The following TNRC6C variants were observed in gnomAD, a reference collection of about 807,000 sequenced individuals.
The protein encoded by TNRC6C is trinucleotide repeat-containing gene 6C protein.
A neutral mutation model predicts 153.7 loss-of-function variants in TNRC6C; 20 were observed. The ratio of observed to expected loss-of-function variants is 0.13; its 90% CI spans 0.09 to 0.19. TNRC6C has a LOEUF of 0.19. TNRC6C is among the 10% of genes least tolerant of loss of function. The probability of loss-of-function intolerance (pLI) is 1.00; values close to 1 mark genes in which losing one functional copy is unlikely to be tolerated. For missense variants in TNRC6C, 1,987 were observed against 2,172.0 expected, an observed-to-expected ratio of 0.91 and a Z score of 1.69; for synonymous variants, 811 against 841.4, an observed-to-expected ratio of 0.96 and a Z score of 0.63.
chr17:78,108,046 C>T (rs1287032867), exon 20 of TNRC6C: 2 of 152,220 alleles, frequency 1.3e-5, no homozygotes, highest in African/African-American at 4.8e-5. Flanking sequence ...TGGCCGTGGC[C>T]TTCAGGGTGA....
At chr17:78,083,751 C>T (rs748554953) in intron 11 of TNRC6C, among the ~76,000 whole-genome samples, 2 of 152,066 alleles carry the variant, frequency 1.3e-5, no homozygotes, top group South Asian at 2.1e-4. Flanking sequence ...CATGAAACCC[C>T]GGTCAAGAAT....
At chr17:78,053,458 C>T (rs1487334521) in intron 3 of TNRC6C, among the ~76,000 whole-genome samples, 1 of 151,882 alleles carries the variant, frequency 6.6e-6, no homozygotes, top group Non-Finnish European at 1.5e-5. Context: ...GGTGAAACCC[C>T]ATCTCTACTA....
chr17:78,062,445 A>T (rs2072787532), intron 3 of TNRC6C, among the ~76,000 whole-genome samples: 1 of 152,234 alleles, frequency 6.6e-6, no homozygotes, highest in Non-Finnish European at 1.5e-5. Flanking sequence ...GAGGCCAAAC[A>T]ATGTAAAATT....
At chr17:77,998,090 A>G (rs1284051293) in intron 1 of TNRC6C, among the ~76,000 whole-genome samples, 1 of 152,132 alleles carries the variant, frequency 6.6e-6, no homozygotes, top group East Asian at 1.9e-4. Flanking sequence ...CAACCATATA[A>G]CCATCATCAC....
chr17:78,049,678 C>T lies in TNRC6C; in HGVS notation c.616C>T (p.Pro206Ser), dbSNP rs1429114854. The change falls in exon 3 of 20, where the codon CCA becomes TCA. Residue 206 changes from proline to serine, a missense_variant. By Grantham distance (74) the Pro-to-Ser change is moderately conservative. Coordinates refer to ENST00000301624, the Ensembl canonical transcript of TNRC6C. This position sits in a 1 kb window ranked among gnomAD's most constrained non-coding sequence, Gnocchi z 4.1. ...CAATGCAATGCAGACAAATGGACTG[C>T]CAAACTGGGGCATGGCTGTTGGTAT... 6.2e-7 allele frequency: 1 copy of T among 1,610,410 alleles called. No individual in the cohort carries two copies. The highest frequency in any genetic ancestry group is 1.3e-5 in the African/African-American group (1 of 74,902).
chr17:78,026,088 G>A (rs1352999827), intron 1 of TNRC6C, among the ~76,000 whole-genome samples: 3 of 152,154 alleles, frequency 2.0e-5, no homozygotes, highest in Non-Finnish European at 4.4e-5. Flanking sequence ...TCTAGCCTTA[G>A]TATTTTTTTA....
intron 1 of TNRC6C, among the ~76,000 whole-genome samples, chr17:77,978,334 T>C (rs1341239086): frequency 1.3e-5 from 2 of 152,142 alleles, no homozygotes; most frequent in African/African-American, 4.8e-5. Context: ...AGGAAGTAAA[T>C]TCATAAGATT....
chr17:78,017,014 C>T (rs2071741018), intron 1 of TNRC6C, among the ~76,000 whole-genome samples: 1 of 152,156 alleles, frequency 6.6e-6, no homozygotes, highest in African/African-American at 2.4e-5. Context: ...GTAGCTACTG[C>T]ACTCCCTCTC....
upstream of TNRC6C, chr17:78,004,116 T>G: frequency 1.6e-6 from 2 of 1,230,966 alleles, no homozygotes; most frequent in Non-Finnish European, 1.0e-6. Context: ...GCTTTTTCAT[T>G]GTTTGACTTA....
intron 2 of TNRC6C, among the ~76,000 whole-genome samples, chr17:78,044,182 C>A (rs750947406): frequency 2.0e-5 from 3 of 152,076 alleles, no homozygotes; most frequent in African/African-American, 7.2e-5. Context: ...GCTATCAGTT[C>A]CTCTTGTACT....
At chr17:77,969,827 A>G (rs2070926773) in intron 1 of TNRC6C, among the ~76,000 whole-genome samples, 2 of 152,014 alleles carry the variant, frequency 1.3e-5, no homozygotes, top group African/African-American at 4.8e-5. Flanking sequence ...GAAAATTAAC[A>G]TTACTGAAAA....
chr17:78,093,863 A>C, intron 16 of TNRC6C, 100 bp downstream of exon 18: 1 of 1,469,410 alleles, frequency 6.8e-7, no homozygotes. Flanking sequence ...GGGATGATAC[A>C]AGGCACAGTT....
At chr17:78,073,744 TTA>T (rs1283387676) in intron 7 of TNRC6C, among the ~76,000 whole-genome samples, 2 of 152,156 alleles carry the variant, frequency 1.3e-5, no homozygotes, top group African/African-American at 4.8e-5. Context: ...TAACCTTGTT[TTA>T]TATGTTTTTC....
At chr17:78,071,641 G>T (rs1169730074) in intron 6 of TNRC6C, among the ~76,000 whole-genome samples, 2 of 152,210 alleles carry the variant, frequency 1.3e-5, no homozygotes, top group Admixed American at 6.5e-5. Context: ...GCCCGCCTCG[G>T]CCTCCCAAAG....
exon 3 of TNRC6C, chr17:78,051,163 C>A: frequency 6.3e-7 from 1 of 1,576,802 alleles, no homozygotes; most frequent in Non-Finnish European, 8.6e-7. Context: ...ACCGGTCAAA[C>A]AGAAGGACAG....
chr17:78,050,698 G>GT lies in TNRC6C; in HGVS notation c.1638dup (p.Ser547Ter). On this transcript the variant is annotated frameshift_variant, in exon 3 of 20. Coordinates refer to ENST00000301624, the Ensembl canonical transcript of TNRC6C. LOFTEE classifies it high-confidence loss of function. ...GGGGGACTCGATAAGCTCTACTGCT[G>GT]TTAGTACTGCTGCTGCTGCCAAGAG... 1 of 1,574,426 alleles carries GT rather than the reference G, an allele frequency of 6.4e-7. No individual in the cohort carries two copies. The highest frequency in any genetic ancestry group is 8.6e-7 in the Non-Finnish European group (1 of 1,159,324).
chr17:78,034,532 G>C (rs1814806645), intron 2 of TNRC6C, among the ~76,000 whole-genome samples: 1 of 151,314 alleles, frequency 6.6e-6, no homozygotes, highest in African/African-American at 2.4e-5. Flanking sequence ...AAGCAGCTCT[G>C]TCTCCATTCT....
intron 1 of TNRC6C, among the ~76,000 whole-genome samples, chr17:78,018,467 T>C (rs962565014): frequency 2.0e-5 from 3 of 152,028 alleles, no homozygotes; most frequent in Non-Finnish European, 4.4e-5. Flanking sequence ...GTATTCACAG[T>C]GCCTGGCACA....
chr17:78,097,841 C>T, intron 16 of TNRC6C: 2 of 1,548,854 alleles, frequency 1.3e-6, no homozygotes, highest in Non-Finnish European at 1.7e-6. Context: ...AGCAGCATTG[C>T]ATCCGCACCT....
Sources: gnomAD v4.1 joint callset for allele counts (sites outside exome capture counted in the v4.1 genomes callset) on GRCh38, gnomAD v4.1.1 for gene constraint, Gnocchi (gnomAD v3.1) non-coding constraint, MANE v1.5 for transcripts, NCBI Gene and HGNC (gene_info 2026-07-23, HGNC 2026-07-21) for gene names.